The following GABBR2 variants were observed in gnomAD, a reference collection of about 807,000 sequenced individuals.
The protein encoded by GABBR2 is gamma-aminobutyric acid type B receptor subunit 2, also known as G-protein coupled receptor 51.
Under a neutral mutation model 105.6 loss-of-function variants are expected in GABBR2, and 23 were observed. The ratio of observed to expected loss-of-function variants is 0.22; its 90% CI spans 0.16 to 0.31. The LOEUF (loss-of-function observed/expected upper bound fraction) is 0.31, where lower values mean the gene tolerates loss of function less well. Ranked by LOEUF, GABBR2 falls within the 10% of genes least tolerant of loss-of-function variation. The pLI is 1.00. For synonymous variants in GABBR2, 478 were observed against 499.7 expected, an observed-to-expected ratio of 0.96 and a Z score of 0.58; for missense variants, 734 against 1,245.5, an observed-to-expected ratio of 0.59 and a Z score of 6.18.
chr9:98,318,057 G>T (rs916970408), intron 13 of GABBR2, among the ~76,000 whole-genome samples: 1 of 152,190 alleles, frequency 6.6e-6, no homozygotes, highest in Non-Finnish European at 1.5e-5. Flanking sequence ...CAAGGGAAAA[G>T]AACCTGAAAT....
intron 3 of GABBR2, among the ~76,000 whole-genome samples, chr9:98,504,466 C>T (rs1468871077): frequency 6.6e-6 from 1 of 152,190 alleles, no homozygotes; most frequent in African/African-American, 2.4e-5. Flanking sequence ...CAGAAAGGCA[C>T]AGATCCAGGT....
intron 1 of GABBR2, among the ~76,000 whole-genome samples, chr9:98,666,508 T>C (rs1830336641): frequency 6.6e-6 from 1 of 152,224 alleles, no homozygotes; most frequent in Admixed American, 6.5e-5. Context: ...CTGTGGGTAC[T>C]AAGCACTTGA....
rs199534242 is a variant in GABBR2 at position 98,311,222 on chromosome 9, C to G, written c.1894-17G>C. On this transcript the variant is annotated splice_polypyrimidine_tract_variant and intron_variant, in intron 13 of 18. Coordinates refer to ENST00000259455, the MANE Select transcript of GABBR2 (RefSeq NM_005458.8). ...TGGGTCCGGCTGTGCAAAGAGAAAA[C>G]AGAGACTCAGGGATGGCACAGGACA... 3 of 1,506,822 alleles carry G rather than the reference C, an allele frequency of 2.0e-6. No individual in the cohort carries two copies. The South Asian group carries it at 3.4e-5, about 17-fold the overall frequency. 93.3% of individuals were successfully genotyped at this position (1,506,822 alleles called of 1,614,324 possible).
At chr9:98,384,949 A>G (rs1481781863) in intron 11 of GABBR2, among the ~76,000 whole-genome samples, 1 of 152,232 alleles carries the variant, frequency 6.6e-6, no homozygotes, top group Admixed American at 6.5e-5. Context: ...AAAACCGTTG[A>G]AGAAAACACC....
At chr9:98,422,179 A>T (rs1832792857) in intron 7 of GABBR2, among the ~76,000 whole-genome samples, 1 of 152,236 alleles carries the variant, frequency 6.6e-6, no homozygotes, top group Admixed American at 6.5e-5. Flanking sequence ...TTTACAAAAG[A>T]GAAAAAACCA....
At chr9:98,472,517 ATAACCCCCAGAAGGGGG>A (rs1178635137) in intron 6 of GABBR2, among the ~76,000 whole-genome samples, 1 of 151,558 alleles carries the variant, frequency 6.6e-6, no homozygotes. Context: ...AATCCTCCTG[ATAACCCCCAGAAGGGGG>A]TTATCACAGA....
At chr9:98,375,535 G>A (rs1831857217) in intron 11 of GABBR2, among the ~76,000 whole-genome samples, 1 of 152,154 alleles carries the variant, frequency 6.6e-6, no homozygotes, top group Non-Finnish European at 1.5e-5. Flanking sequence ...CAGACTGGAT[G>A]GGCCAGTTTA....
intron 1 of GABBR2, among the ~76,000 whole-genome samples, chr9:98,600,592 C>T (rs1056801562): frequency 6.6e-6 from 1 of 152,212 alleles, no homozygotes; most frequent in African/African-American, 2.4e-5. Context: ...AGCAAGTGCC[C>T]AGTACAAAGA....
chr9:98,599,580 C>G lies in GABBR2; in HGVS notation c.322-21508G>C, dbSNP rs138035498. Among the ~76,000 whole-genome samples, 80 of 152,382 alleles carry G rather than the reference C, an allele frequency of 5.2e-4. 1 individual carries two copies. The East Asian group carries it at 0.013, about 25-fold the overall frequency. ...CTGATGGAGGTTGAATTACACATGA[C>G]CTTCAATCCCAGGCTGAGGGGGCCA... On this transcript the variant is annotated intron_variant, in intron 1 of 18. Transcript: ENST00000259455.
chr9:98,400,844 A>G (rs1023981857), intron 8 of GABBR2, among the ~76,000 whole-genome samples: 7 of 152,176 alleles, frequency 4.6e-5, no homozygotes, highest in African/African-American at 1.7e-4. Context: ...CACAAACACA[A>G]TATGGGGTGT....
intron 12 of GABBR2, among the ~76,000 whole-genome samples, chr9:98,369,460 C>T (rs1297184395): frequency 6.6e-6 from 1 of 152,128 alleles, no homozygotes; most frequent in African/African-American, 2.4e-5. Flanking sequence ...CAGGAGCCCA[C>T]AGAATCACAG....
chr9:98,666,217 C>A (rs1419073026), intron 1 of GABBR2, among the ~76,000 whole-genome samples: 2 of 152,164 alleles, frequency 1.3e-5, no homozygotes, highest in Non-Finnish European at 2.9e-5. Flanking sequence ...GGACAGGGTA[C>A]CATGTTCCAG....
rs147702122 is a variant in GABBR2, at chr9:98,679,773, A to C, written c.321+28644T>G. On this transcript the variant is annotated intron_variant, in intron 1 of 18. Coordinates refer to ENST00000259455, the MANE Select transcript of GABBR2 (RefSeq NM_005458.8). ...ATGGAGAGGTGCCCTCTGTATACCA[A>C]GGGGAAAGGAACATCCTTATCTCTG... Among the ~76,000 whole-genome samples the C allele has an allele frequency of 3.1e-3, 479 of 152,322 alleles. 10 individuals are homozygous for C. In the East Asian group the frequency reaches 0.039, roughly 12 times the overall value.
At chr9:98,455,107 C>T (rs1335705823) in intron 6 of GABBR2, among the ~76,000 whole-genome samples, 2 of 152,202 alleles carry the variant, frequency 1.3e-5, no homozygotes, top group Non-Finnish European at 2.9e-5. Flanking sequence ...CCTGCTATTC[C>T]ATCTACCTTC....
intron 1 of GABBR2, chr9:98,607,163 G>C: frequency 1.2e-6 from 2 of 1,610,172 alleles, no homozygotes; most frequent in Admixed American, 3.3e-5. Flanking sequence ...GCTCACAATA[G>C]TTGATACCCC....
At chr9:98,465,112 A>G (rs1383902690) in intron 6 of GABBR2, among the ~76,000 whole-genome samples, 1 of 135,290 alleles carries the variant, frequency 7.4e-6, no homozygotes, top group Non-Finnish European at 1.6e-5. Flanking sequence ...AAGAATGATC[A>G]ATAAATACTA....
At chr9:98,436,280 C>CATATATATATATAT (rs56768409) in intron 7 of GABBR2, among the ~76,000 whole-genome samples, 3 of 53,922 alleles carry the variant, frequency 5.6e-5, no homozygotes, top group East Asian at 1.0e-3. Flanking sequence ...CAACAACAAC[C>CATATATATATATAT]ATATATATAT....
At chr9:98,691,539 T>C (rs1830682634) in intron 1 of GABBR2, among the ~76,000 whole-genome samples, 1 of 152,218 alleles carries the variant, frequency 6.6e-6, no homozygotes, top group African/African-American at 2.4e-5. Context: ...ACAGCAAGGC[T>C]AGAAGCCAGG....
intron 3 of GABBR2, among the ~76,000 whole-genome samples, chr9:98,500,054 A>G (rs963434740): frequency 1.4e-4 from 21 of 152,390 alleles, no homozygotes; most frequent in African/African-American, 3.8e-4. Flanking sequence ...CTCTGTCTCA[A>G]ACAACAACAG....
Sources: gnomAD v4.1 joint callset for allele counts (sites outside exome capture counted in the v4.1 genomes callset) on GRCh38, gnomAD v4.1.1 for gene constraint, MANE v1.5 for transcripts, NCBI Gene and HGNC (gene_info 2026-07-23, HGNC 2026-07-21) for gene names.